NRG3: variants seen among roughly 807,000 people sequenced by gnomAD.
The protein encoded by NRG3 is neuregulin 3.
In NRG3, 31 loss-of-function variants were observed where a neutral mutation model predicts 66.9. The ratio of observed to expected loss-of-function variants is 0.46; its 90% CI spans 0.35 to 0.63. The LOEUF (loss-of-function observed/expected upper bound fraction) is 0.63, where lower values mean the gene tolerates loss of function less well. Ranked by LOEUF, NRG3 falls within the 20% of genes least tolerant of loss-of-function variation. The pLI is 0.00. For missense variants in NRG3, 910 were observed against 878.9 expected (o/e 1.04, Z -0.45); for synonymous variants, 393 against 359.4 (o/e 1.09, Z -1.06).
intron 1 of NRG3, among the ~76,000 whole-genome samples, chr10:81,967,584 A>T (rs894710678): frequency 6.6e-6 from 1 of 152,044 alleles, no homozygotes; most frequent in African/African-American, 2.4e-5. Flanking sequence ...ATGCGTGCTT[A>T]TATAGTCTGT....
At chr10:82,458,966 T>C (rs1193810161) in intron 2 of NRG3, among the ~76,000 whole-genome samples, 1 of 152,172 alleles carries the variant, frequency 6.6e-6, no homozygotes, top group African/African-American at 2.4e-5. Context: ...GCCTCCTGCA[T>C]TGAGTCTCTC....
At chr10:82,183,465 C>G (rs2073573945) in intron 1 of NRG3, among the ~76,000 whole-genome samples, 1 of 151,998 alleles carries the variant, frequency 6.6e-6, no homozygotes, top group East Asian at 1.9e-4. Context: ...TCAGTTATTG[C>G]ATTCTTCAGG....
chr10:82,381,755 C>A (rs1481248547), intron 2 of NRG3, among the ~76,000 whole-genome samples: 1 of 152,026 alleles, frequency 6.6e-6, no homozygotes, highest in Non-Finnish European at 1.5e-5. Context: ...ATAAACAATA[C>A]TCTTGGAAAA....
At chr10:82,504,017 C>A (rs2132374358) in intron 2 of NRG3, among the ~76,000 whole-genome samples, 1 of 152,292 alleles carries the variant, frequency 6.6e-6, no homozygotes, top group African/African-American at 2.4e-5. Flanking sequence ...TCTGAATATG[C>A]ACTGAAATAC....
rs535258273 is a variant in NRG3, at chr10:82,465,410, A to G, written c.953+106542A>G. Among the ~76,000 whole-genome samples, 22 of 152,318 alleles carry G rather than the reference A, an allele frequency of 1.4e-4. No individual in the cohort carries two copies. The South Asian group carries it at 4.1e-3, about 29-fold the overall frequency. ...CTTCCCCAAGAGCTAGCTCCCTGGA[A>G]TAGATTAGCACCAGGATCCCTTTGT... On this transcript the variant is annotated intron_variant, in intron 2 of 8. Coordinates refer to ENST00000372141, the MANE Select transcript of NRG3 (RefSeq NM_001010848.4).
At chr10:82,086,984 G>A (rs936301667) in intron 1 of NRG3, among the ~76,000 whole-genome samples, 3 of 152,084 alleles carry the variant, frequency 2.0e-5, no homozygotes, top group Non-Finnish European at 4.4e-5. Flanking sequence ...AACCAGAAAG[G>A]CAGGGCTATC....
chr10:82,668,057 T>TC (rs1217239369), intron 2 of NRG3, among the ~76,000 whole-genome samples: 1 of 152,108 alleles, frequency 6.6e-6, no homozygotes, highest in South Asian at 2.1e-4. Flanking sequence ...TAAACCAGCT[T>TC]CCTCCCTCCC....
intron 2 of NRG3, among the ~76,000 whole-genome samples, chr10:82,666,082 G>A (rs187352175): frequency 2.7e-4 from 41 of 152,160 alleles, no homozygotes; most frequent in African/African-American, 8.4e-4. Context: ...GGCTGGTCTC[G>A]ATCTCCCGAC....
rs2058779610 is a variant in NRG3 at position 82,749,596 on chromosome 10, C to T, written c.1027+10946C>T. On this transcript the variant is annotated intron_variant, in intron 3 of 8. Coordinates refer to ENST00000372141, the MANE Select transcript of NRG3 (RefSeq NM_001010848.4). Reference sequence around the variant, plus strand: ...TATTTCTACCTTTACTGTATTTGGCCTGTCACTTATATGTGAGGATGGTGC... The same window carrying T: ...TATTTCTACCTTTACTGTATTTGGCTTGTCACTTATATGTGAGGATGGTGC... 2.0e-5 allele frequency among the ~76,000 whole-genome samples: 3 copies of T among 152,018 alleles called. No homozygotes were observed. In the South Asian group the frequency reaches 6.2e-4, roughly 31 times the overall value.
rs9663221 is a variant in NRG3, at chr10:82,927,430, C to A, written c.1055-24039C>A. ...GGTTTGTTACATAGGTATACACGGG[C>A]TATGGTGGTTTGCTGCACCTATCAA... is the stretch of plus-strand genomic sequence containing the variant. On this transcript the variant is annotated intron_variant, in intron 4 of 8. Transcript: ENST00000372141. Among the ~76,000 whole-genome samples, 1,267 of 152,166 alleles carry A rather than the reference C, an allele frequency of 8.3e-3. 21 individuals carry two copies. The highest frequency in any genetic ancestry group is 0.029 in the African/African-American group (1,224 of 41,502).
intron 1 of NRG3, among the ~76,000 whole-genome samples, chr10:81,960,248 CT>C (rs1280160276): frequency 6.6e-6 from 1 of 152,212 alleles, no homozygotes; most frequent in East Asian, 1.9e-4. Flanking sequence ...GGAGAGTTTT[CT>C]TACTAAAATT....
intron 1 of NRG3, among the ~76,000 whole-genome samples, chr10:81,962,483 A>C (rs1037126942): frequency 2.6e-5 from 4 of 152,116 alleles, no homozygotes; most frequent in Non-Finnish European, 5.9e-5. Flanking sequence ...AAAGAATGTG[A>C]TTTACTTATG....
chr10:82,347,525 GAAA>G (rs961979589), intron 1 of NRG3, among the ~76,000 whole-genome samples: 1 of 150,720 alleles, frequency 6.6e-6, no homozygotes, highest in Non-Finnish European at 1.5e-5. Flanking sequence ...GTGTGGTGCT[GAAA>G]AAAATGTATA....
At chr10:82,075,876 T>C (rs377441020) in intron 1 of NRG3, among the ~76,000 whole-genome samples, 1 of 151,544 alleles carries the variant, frequency 6.6e-6, no homozygotes, top group Non-Finnish European at 1.5e-5. Context: ...AATTAAGTGG[T>C]TTTTCATTGG....
At position 82,807,094 on chromosome 10, in the gene NRG3, A is replaced by G. The variant is rs546622886; in HGVS notation, c.1028-58317A>G. On this transcript the variant is annotated intron_variant, in intron 3 of 8. Transcript: ENST00000372141. ...CCTGGGAGAAAGTCACCATCCCAAC[A>G]TGAGTTTTAGCCTCTTGCTTTTCCA... 1.2e-4 allele frequency among the ~76,000 whole-genome samples: 19 copies of G among 152,336 alleles called. No homozygotes were observed. The South Asian group carries it at 3.9e-3, about 32-fold the overall frequency.
chr10:82,126,456 C>T (rs2068455922), intron 1 of NRG3, among the ~76,000 whole-genome samples: 1 of 151,822 alleles, frequency 6.6e-6, no homozygotes, highest in Non-Finnish European at 1.5e-5. Flanking sequence ...ATCTTTTGGC[C>T]CAGTAGATGT....
chr10:82,792,924 G>A (rs955708378), intron 3 of NRG3, among the ~76,000 whole-genome samples: 1 of 151,876 alleles, frequency 6.6e-6, no homozygotes, highest in Non-Finnish European at 1.5e-5. Context: ...CAGGTGATCC[G>A]CCCACCTCGG....
chr10:82,355,819 G>A lies in NRG3; in HGVS notation c.824-2920G>A, dbSNP rs574802924. ...AGATAATATATAGTAAAATGCATAG[G>A]TATATTCTAAGGTTTCAAATGTATT... On this transcript the variant is annotated intron_variant, in intron 1 of 8. Transcript: ENST00000372141. Among the ~76,000 whole-genome samples the A allele has an allele frequency of 9.2e-5, 14 of 152,170 alleles. No homozygotes were observed. In the South Asian group the frequency reaches 2.9e-3, roughly 32 times the overall value.
Position 82,861,203 on chromosome 10 carries a change from A to C in NRG3, c.1028-4208A>C, listed in dbSNP as rs536115984. Among the ~76,000 whole-genome samples, 9 of 152,198 alleles carry C rather than the reference A, an allele frequency of 5.9e-5. No homozygotes were observed. In the South Asian group the frequency reaches 1.9e-3, roughly 32 times the overall value. On this transcript the variant is annotated intron_variant, in intron 3 of 8. Transcript: ENST00000372141. ...GAAAGTGAGAGAGAGAGAAAGAAAG[A>C]GAAAAATAATTTACATGAGAGTTAA... is the stretch of plus-strand genomic sequence containing the variant.
Sources: gnomAD v4.1 joint callset for allele counts (sites outside exome capture counted in the v4.1 genomes callset) on GRCh38, gnomAD v4.1.1 for gene constraint, MANE v1.5 for transcripts, NCBI Gene and HGNC (gene_info 2026-07-23, HGNC 2026-07-21) for gene names.